CALN1: variants seen among roughly 807,000 people sequenced by gnomAD.
CALN1 encodes the protein calneuron 1.
Under a neutral mutation model 30.6 loss-of-function variants are expected in CALN1, and 17 were observed. That is an observed-to-expected ratio of 0.56 (90% CI 0.38 to 0.83). The LOEUF (loss-of-function observed/expected upper bound fraction) is 0.83, where lower values mean the gene tolerates loss of function less well. Among genes scored for constraint, CALN1 ranks in the 40% least tolerant of loss-of-function variants. The pLI is 0.00. For synonymous variants in CALN1, 156 were observed against 131.4 expected (o/e 1.19, Z -1.28); for missense variants, 291 against 354.9 (o/e 0.82, Z 1.45).
intron 5 of CALN1, among the ~76,000 whole-genome samples, chr7:71,925,877 G>C (rs1795243818): frequency 6.8e-6 from 1 of 147,310 alleles, no homozygotes. Context: ...TGTTTGAAAC[G>C]GAGTCTCTCT....
chr7:72,262,585 A>G (rs574861488), intron 3 of CALN1, among the ~76,000 whole-genome samples: 35 of 152,264 alleles, frequency 2.3e-4, no homozygotes, highest in Admixed American at 1.7e-3. Context: ...TGTCTCACTT[A>G]TAAGTGAAAA....
intron 6 of CALN1, among the ~76,000 whole-genome samples, chr7:71,806,668 T>C (rs1787640571): frequency 1.3e-5 from 2 of 152,206 alleles, no homozygotes; most frequent in African/African-American, 2.4e-5. Context: ...CTTTGAGATA[T>C]TCTTTAGGTT....
intron 3 of CALN1, among the ~76,000 whole-genome samples, chr7:72,139,800 G>A (rs899537982): frequency 2.6e-5 from 4 of 152,134 alleles, no homozygotes; most frequent in African/African-American, 9.7e-5. Flanking sequence ...TTTGGAGCAG[G>A]CCTTCACTTT....
chr7:72,338,210 G>A (rs1017598240), intron 2 of CALN1, among the ~76,000 whole-genome samples: 16 of 152,244 alleles, frequency 1.1e-4, no homozygotes, highest in African/African-American at 3.4e-4. Context: ...GGCCAAAGCA[G>A]GCTAGTCCTT....
chr7:72,128,905 C>A (rs80138918), intron 3 of CALN1, among the ~76,000 whole-genome samples: 1 of 151,856 alleles, frequency 6.6e-6, no homozygotes, highest in Admixed American at 6.6e-5. Context: ...TTTGTCAGGG[C>A]AAAAATCAGG....
At chr7:71,914,670 A>G (rs544848752) in intron 5 of CALN1, among the ~76,000 whole-genome samples, 1 of 152,300 alleles carries the variant, frequency 6.6e-6, no homozygotes, top group Admixed American at 6.5e-5. Context: ...CACCAAGAGT[A>G]TAAGTATCCC....
chr7:71,933,417 C>G (rs949133268), intron 5 of CALN1, among the ~76,000 whole-genome samples: 2 of 152,262 alleles, frequency 1.3e-5, no homozygotes, highest in Non-Finnish European at 2.9e-5. Flanking sequence ...GCCCCTCTCA[C>G]TAGAGAGGGA....
At chr7:72,273,522 T>TC (rs1461862181) in intron 3 of CALN1, among the ~76,000 whole-genome samples, 1 of 73,046 alleles carries the variant, frequency 1.4e-5, no homozygotes, top group Non-Finnish European at 2.2e-5. Context: ...TTTTTTTTTC[T>TC]TCCCCCTAGA....
chr7:72,245,052 C>T (rs1282086610), intron 3 of CALN1, among the ~76,000 whole-genome samples: 4 of 152,158 alleles, frequency 2.6e-5, no homozygotes, highest in African/African-American at 9.7e-5. Flanking sequence ...CATCACCTTG[C>T]TCCATCCCAA....
intron 5 of CALN1, among the ~76,000 whole-genome samples, chr7:71,854,141 CTT>C (rs562523049): frequency 6.3e-4 from 96 of 152,112 alleles, no homozygotes; most frequent in African/African-American, 2.2e-3. Flanking sequence ...TTTAAAAAGT[CTT>C]TACACAACAT....
chr7:71,935,735 A>G (rs1415273190), intron 5 of CALN1, among the ~76,000 whole-genome samples: 2 of 152,142 alleles, frequency 1.3e-5, no homozygotes, highest in African/African-American at 4.8e-5. Flanking sequence ...AAACAGAAAC[A>G]AAAAACAAAA....
At chr7:72,345,768 C>A (rs754806292) in intron 2 of CALN1, among the ~76,000 whole-genome samples, 13 of 152,136 alleles carry the variant, frequency 8.5e-5, no homozygotes, top group Non-Finnish European at 1.5e-4. Flanking sequence ...GAATCAAGTT[C>A]GGCCTTAAAT....
chr7:72,308,536 CGAAT>C lies in CALN1; in HGVS notation c.120-29730_120-29727del, dbSNP rs549476255. On this transcript the variant is annotated intron_variant, in intron 2 of 6. Transcript: ENST00000395275. ...TATTTGAAAATGTTTGCTGAATGCACGAATGAATGAATGAATGAACGATATGAGG... is the reference window on the plus strand; with the variant it reads ...TATTTGAAAATGTTTGCTGAATGCACGAATGAATGAATGAACGATATGAGG... Among the ~76,000 whole-genome samples the C allele has an allele frequency of 3.0e-3, 464 of 152,190 alleles. 1 individual carries two copies. The highest frequency in any genetic ancestry group is 4.7e-3 in the Non-Finnish European group (322 of 68,030).
intron 5 of CALN1, among the ~76,000 whole-genome samples, chr7:71,874,381 A>G (rs544186395): frequency 3.3e-5 from 5 of 152,010 alleles, no homozygotes; most frequent in Non-Finnish European, 7.4e-5. Flanking sequence ...TACCATTGCT[A>G]CAATGTAGGG....
At chr7:72,427,156 A>G (rs1807823281) in intron 1 of CALN1, among the ~76,000 whole-genome samples, 1 of 152,048 alleles carries the variant, frequency 6.6e-6, no homozygotes, top group Non-Finnish European at 1.5e-5. Context: ...CTAATTTTAA[A>G]AAATTATTTG....
chr7:72,315,350 A>C (rs28605994), intron 2 of CALN1, among the ~76,000 whole-genome samples: 28,324 of 152,082 alleles, frequency 0.19, 3,686 homozygotes, highest in East Asian at 0.42. Context: ...CACAAAAGGA[A>C]AAATCAAGCA....
chr7:72,500,222 CT>C, the CALN1 span, among the ~76,000 whole-genome samples: 218 of 134,106 alleles, frequency 1.6e-3, no homozygotes, highest in Admixed American at 2.9e-3. Context: ...TCAGCTGAAA[CT>C]TTCTGTGTCT....
chr7:71,903,541 C>G (rs1054735707), intron 5 of CALN1, among the ~76,000 whole-genome samples: 11 of 152,090 alleles, frequency 7.2e-5, no homozygotes, highest in Non-Finnish European at 1.0e-4. Flanking sequence ...ACATCTTATA[C>G]AAAAATCAAC....
chr7:71,932,060 A>T (rs534382683), intron 5 of CALN1, among the ~76,000 whole-genome samples: 1 of 152,308 alleles, frequency 6.6e-6, no homozygotes, highest in Admixed American at 6.5e-5. Flanking sequence ...TCACTGAATC[A>T]CCAGCTTTTC....
Sources: allele counts gnomAD v4.1 joint callset (sites outside exome capture counted in the v4.1 genomes callset), GRCh38; gene constraint gnomAD v4.1.1; transcripts MANE v1.5; gene names NCBI Gene and HGNC (gene_info 2026-07-23, HGNC 2026-07-21).